Variants in NPAS3 observed in about 807,000 individuals in gnomAD.
NPAS3 encodes neuronal PAS domain-containing protein 3.
A neutral mutation model predicts 73.1 loss-of-function variants in NPAS3; 14 were observed. That is an observed-to-expected ratio of 0.19 (90% confidence interval 0.13 to 0.30). NPAS3 has a LOEUF of 0.30. NPAS3 is among the 10% of genes least tolerant of loss of function. NPAS3 has a pLI of 1.00. For synonymous variants in NPAS3, 620 were observed against 541.5 expected (o/e 1.14, Z -2.01); for missense variants, 1,096 against 1,250.0 (o/e 0.88, Z 1.86).
At chr14:33,535,849 A>C (rs1306258844) in intron 4 of NPAS3, among the ~76,000 whole-genome samples, 4 of 152,160 alleles carry the variant, frequency 2.6e-5, no homozygotes, top group Admixed American at 2.6e-4. Context: ...GCAGACATAC[A>C]GTTTGAGCCT....
intron 3 of NPAS3, among the ~76,000 whole-genome samples, chr14:33,351,258 C>T (rs974904735): frequency 3.3e-5 from 5 of 152,152 alleles, no homozygotes; most frequent in African/African-American, 9.7e-5. Flanking sequence ...ATCAAATACC[C>T]GCAGCCGTGC....
Position 33,371,023 on chromosome 14 carries a change from G to T in NPAS3, c.468+3755G>T, listed in dbSNP as rs1594785301. Among the ~76,000 whole-genome samples the T allele has an allele frequency of 2.0e-5, 3 of 152,088 alleles. No homozygotes were observed. The East Asian group carries it at 5.8e-4, about 29-fold the overall frequency. ...TGAATGATAGTTCAAATTAAGAATG[G>T]GTTACAGCCCTATGGAAATGATGTG... On this transcript the variant is annotated intron_variant, in intron 4 of 11. Transcript: ENST00000356141.
At chr14:33,740,773 A>G (rs575412466) in intron 7 of NPAS3, among the ~76,000 whole-genome samples, 1 of 152,320 alleles carries the variant, frequency 6.6e-6, no homozygotes, top group African/African-American at 2.4e-5. Flanking sequence ...CTTATTTATC[A>G]TGACTTCATG....
At chr14:33,394,114 A>C (rs543837396) in intron 4 of NPAS3, among the ~76,000 whole-genome samples, 8 of 152,184 alleles carry the variant, frequency 5.3e-5, no homozygotes, top group African/African-American at 1.9e-4. Context: ...TGGATGGGAA[A>C]GGTTTTGTCT....
At chr14:33,175,544 C>T (rs1188127101) in intron 2 of NPAS3, among the ~76,000 whole-genome samples, 1 of 152,014 alleles carries the variant, frequency 6.6e-6, no homozygotes, top group African/African-American at 2.4e-5. Flanking sequence ...CACATTTTTC[C>T]TTAACACATT....
At chr14:33,024,142 ATGTGTGTG>A (rs5807700) in intron 1 of NPAS3, among the ~76,000 whole-genome samples, 61 of 143,254 alleles carry the variant, frequency 4.3e-4, no homozygotes, top group African/African-American at 1.6e-3. Flanking sequence ...GTGTGTGTAT[ATGTGTGTG>A]TGTGTGTGTG....
At chr14:33,500,061 CT>C (rs1241578432) in intron 4 of NPAS3, among the ~76,000 whole-genome samples, 1 of 151,878 alleles carries the variant, frequency 6.6e-6, no homozygotes, top group Non-Finnish European at 1.5e-5. Context: ...GAAACGGTAG[CT>C]TTAGGGTCAG....
At chr14:33,107,953 G>T (rs1448387010) in intron 2 of NPAS3, among the ~76,000 whole-genome samples, 1 of 152,084 alleles carries the variant, frequency 6.6e-6, no homozygotes, top group African/African-American at 2.4e-5. Flanking sequence ...ATTCAGGAGT[G>T]AATTGCTTTG....
At chr14:32,964,134 C>A (rs368268350) in intron 1 of NPAS3, among the ~76,000 whole-genome samples, 1 of 127,282 alleles carries the variant, frequency 7.9e-6, no homozygotes, top group African/African-American at 3.0e-5. Context: ...GTTTCTTCAG[C>A]GCTTTTGTTC....
intron 7 of NPAS3, among the ~76,000 whole-genome samples, chr14:33,757,743 C>T (rs1204102465): frequency 3.9e-5 from 6 of 152,130 alleles, no homozygotes; most frequent in Non-Finnish European, 8.8e-5. Flanking sequence ...TGATGCACTC[C>T]CCTTTTCTGC....
chr14:33,676,129 G>A, intron 5 of NPAS3, 82 bp from the exon 6 acceptor site: 2 of 1,391,122 alleles, frequency 1.4e-6, no homozygotes, highest in South Asian at 2.4e-5. Context: ...TTTCTACTCA[G>A]AATCTGAATC....
At chr14:32,958,909 A>G (rs1253780500) in intron 1 of NPAS3, among the ~76,000 whole-genome samples, 1 of 152,206 alleles carries the variant, frequency 6.6e-6, no homozygotes, top group East Asian at 1.9e-4. Context: ...CTGCCAAACT[A>G]TAACATGTAA....
intron 5 of NPAS3, among the ~76,000 whole-genome samples, chr14:33,637,679 A>G (rs1317239650): frequency 6.6e-6 from 1 of 152,166 alleles, no homozygotes; most frequent in African/African-American, 2.4e-5. Context: ...CAAATGACTT[A>G]CCTTTTTTGT....
chr14:33,393,269 T>A (rs1364166486), intron 4 of NPAS3, among the ~76,000 whole-genome samples: 1 of 152,138 alleles, frequency 6.6e-6, no homozygotes, highest in African/African-American at 2.4e-5. Flanking sequence ...GTGGTCACCG[T>A]ATTTGCTGAT....
chr14:33,664,943 G>A (rs537278853), intron 5 of NPAS3, among the ~76,000 whole-genome samples: 1 of 152,090 alleles, frequency 6.6e-6, no homozygotes, highest in African/African-American at 2.4e-5. Flanking sequence ...GTGGAAGACA[G>A]TGTGGCGATT....
Position 33,645,702 on chromosome 14 carries a change from G to A in NPAS3, c.559-30509G>A, listed in dbSNP as rs184824561. ...CTGCCACTTGACCGAGTAATTCAAG[G>A]ACTCTCTCTGTCACAGTGCTTCTGA... On this transcript the variant is annotated intron_variant, in intron 5 of 11. Transcript: ENST00000356141. Among the ~76,000 whole-genome samples, 239 of 152,290 alleles carry A rather than the reference G, an allele frequency of 1.6e-3. 1 individual carries two copies. The highest frequency in any genetic ancestry group is 2.7e-3 in the Non-Finnish European group (182 of 68,018).
chr14:33,472,773 G>A lies in NPAS3; in HGVS notation c.469-87348G>A, dbSNP rs1017107710. Among the ~76,000 whole-genome samples the A allele has an allele frequency of 6.7e-5, 10 of 149,996 alleles. 2 individuals carry two copies. Among genetic ancestry groups the A allele is most frequent in the Admixed American group, 2.6e-4 (4 of 15,206 alleles). ...TGTGTGAAAGCAGGTTTTGCTATGC[G>A]TGTATATGGGGTGGGGTGGAGGGTG... is the stretch of plus-strand genomic sequence containing the variant. On this transcript the variant is annotated intron_variant, in intron 4 of 11. Transcript: ENST00000356141.
At chr14:33,384,383 CTG>C (rs71118542) in intron 4 of NPAS3, among the ~76,000 whole-genome samples, 12 of 150,052 alleles carry the variant, frequency 8.0e-5, no homozygotes, top group African/African-American at 2.0e-4. Flanking sequence ...TTTAATGTTT[CTG>C]TGTGTGTGTG....
rs199778215 is a variant in NPAS3, at chr14:33,215,467, G to A, written c.385+41G>A. Reference sequence around the variant, plus strand: ...CTGTTCAGTCTGAATATGATGGTCTGTAGGGGTCTGTAAGACAAAATGTTT... The same window carrying A: ...CTGTTCAGTCTGAATATGATGGTCTATAGGGGTCTGTAAGACAAAATGTTT... On this transcript the variant is annotated intron_variant, in intron 3 of 11. Coordinates refer to ENST00000356141, the Ensembl canonical transcript of NPAS3. 16 of 1,606,074 alleles carry A rather than the reference G, an allele frequency of 1.0e-5. No individual in the cohort carries two copies. The African/African-American group carries it at 1.9e-4, about 19-fold the overall frequency.
Sources: gnomAD v4.1 joint callset for allele counts (sites outside exome capture counted in the v4.1 genomes callset) on GRCh38, gnomAD v4.1.1 for gene constraint, MANE v1.5 for transcripts, NCBI Gene and HGNC (gene_info 2026-07-23, HGNC 2026-07-21) for gene names.